The following TMOD3 variants were observed in gnomAD, a reference collection of about 807,000 sequenced individuals.
TMOD3 encodes tropomodulin-3.
TMOD3 carries 20 observed loss-of-function variants against 39.2 expected under a neutral mutation model. The ratio of observed to expected loss-of-function variants is 0.51; its 90% CI spans 0.36 to 0.74. TMOD3 has a LOEUF of 0.74. Among genes scored for constraint, TMOD3 ranks in the 30% least tolerant of loss-of-function variants. TMOD3 has a pLI of 0.00. For missense variants in TMOD3, 381 were observed against 412.8 expected, an observed-to-expected ratio of 0.92 and a Z score of 0.67; for synonymous variants, 143 against 145.8, an observed-to-expected ratio of 0.98 and a Z score of 0.14.
At position 51,884,026 on chromosome 15, in the gene TMOD3, T is replaced by G. The variant is rs567167658; in HGVS notation, c.284-3563T>G. Among the ~76,000 whole-genome samples, 53 of 152,360 alleles carry G rather than the reference T, an allele frequency of 3.5e-4. No individual in the cohort carries two copies. The South Asian group carries it at 5.4e-3, about 15-fold the overall frequency. On this transcript the variant is annotated intron_variant, in intron 3 of 9. Transcript: ENST00000308580. ...TCACCAGAATTCCAAAATTTGATAC[T>G]AAGATCGATGGGCATTTGTTTGGGG...
rs531155345 is a variant in TMOD3, at chr15:51,915,566, A to G, written c.*6756A>G. On this transcript the variant is annotated 3_prime_UTR_variant, in exon 10 of 10. Coordinates refer to ENST00000308580, the MANE Select transcript of TMOD3 (RefSeq NM_014547.5). ...TTCCATTTTTATAAGTATAAAAGCAATGAATTTTAACACTGGTATTTAAAT... is the reference window on the plus strand; with the variant it reads ...TTCCATTTTTATAAGTATAAAAGCAGTGAATTTTAACACTGGTATTTAAAT... 17 of 152,228 alleles carry G rather than the reference A, an allele frequency of 1.1e-4. No individual in the cohort carries two copies. Among genetic ancestry groups the G allele is most frequent in the Non-Finnish European group, 2.1e-4 (14 of 68,044 alleles). 9.4% of individuals were successfully genotyped at this position (152,228 alleles called of 1,614,324 possible). A position where few individuals can be genotyped will look rare whatever the true frequency, so the allele number is the denominator to read the frequency against.
At chr15:51,874,691 T>C (rs1486768286) in intron 3 of TMOD3, among the ~76,000 whole-genome samples, 5 of 152,240 alleles carry the variant, frequency 3.3e-5, no homozygotes, top group African/African-American at 1.2e-4. Context: ...TGTCATTTTG[T>C]TTTGTTTTGC....
At chr15:51,894,653 A>T (rs555720299) in intron 6 of TMOD3, among the ~76,000 whole-genome samples, 1 of 152,312 alleles carries the variant, frequency 6.6e-6, no homozygotes, top group East Asian at 1.9e-4. Flanking sequence ...CCAGAATGTC[A>T]TATAAATTGA....
chr15:51,893,795 C>T lies in TMOD3; in HGVS notation c.497-20C>T. The stretch of plus-strand genomic sequence containing the variant: ...AAAAAAAATGGTATCAAATCCTGCT[C>T]TTTTCATTTATCACTGCAGATGTGG... On this transcript the variant is annotated intron_variant, in intron 5 of 9. Coordinates refer to ENST00000308580, the MANE Select transcript of TMOD3 (RefSeq NM_014547.5). 1 of 1,486,008 alleles carries T rather than the reference C, an allele frequency of 6.7e-7. No homozygotes were observed. Among genetic ancestry groups the T allele is most frequent in the East Asian group, 2.4e-5 (1 of 41,394 alleles). The allele number at this position is 1,486,008 out of a possible 1,614,324, so 92.1% of individuals were successfully genotyped here. A position where few individuals can be genotyped will look rare whatever the true frequency, so the allele number is the denominator to read the frequency against.
At chr15:51,867,458 G>A (rs889440724) in intron 2 of TMOD3, among the ~76,000 whole-genome samples, 11 of 151,976 alleles carry the variant, frequency 7.2e-5, no homozygotes, top group Admixed American at 2.6e-4. Context: ...GGAATGTTTC[G>A]TCTTTACAGT....
In TMOD3 at chr15:51,846,785, G is replaced by T. The variant is rs146486785; in HGVS notation, c.-74-16026G>T. On this transcript the variant is annotated intron_variant, in intron 1 of 9. Coordinates refer to ENST00000308580, the MANE Select transcript of TMOD3 (RefSeq NM_014547.5). ...CCTTATTACCATCAGAGACTTGTTC[G>T]TATGATGTCATTTCTTTTTTTTAAA... 3.4e-3 allele frequency among the ~76,000 whole-genome samples: 512 copies of T among 152,250 alleles called. 4 individuals carry two copies. Among genetic ancestry groups the T allele is most frequent in the South Asian group, 5.6e-3 (27 of 4,816 alleles).
intron 1 of TMOD3, among the ~76,000 whole-genome samples, chr15:51,853,987 A>G (rs2056375857): frequency 6.6e-6 from 1 of 152,118 alleles, no homozygotes; most frequent in African/African-American, 2.4e-5. Context: ...GAGGGAACAT[A>G]ATAAGCAAAG....
intron 1 of TMOD3, chr15:51,858,488 A>G (rs2056399388): frequency 6.6e-6 from 1 of 152,154 alleles, no homozygotes; most frequent in South Asian, 2.1e-4. Flanking sequence ...TAAAACAGGT[A>G]TACACCAGAC....
chr15:51,880,157 C>G (rs2141695687), intron 3 of TMOD3, among the ~76,000 whole-genome samples: 1 of 152,162 alleles, frequency 6.6e-6, no homozygotes, highest in East Asian at 1.9e-4. Flanking sequence ...CGGGAAACAG[C>G]TGATTTTGAT....
At chr15:51,906,770 C>T (rs913633006) in intron 9 of TMOD3, among the ~76,000 whole-genome samples, 1 of 152,186 alleles carries the variant, frequency 6.6e-6, no homozygotes, top group African/African-American at 2.4e-5. Flanking sequence ...CCTGTAATCC[C>T]AGCACTTTGG....
Position 51,862,803 on chromosome 15 carries a change from C to G in TMOD3, c.-74-8C>G. On this transcript the variant is annotated splice_region_variant and splice_polypyrimidine_tract_variant and intron_variant, in intron 1 of 9. Transcript: ENST00000308580. ...TATTTAAAATGTATTTGTTTCTTCT[C>G]TCCATAGCTTTAAGAAAAAGTAGAG... is the stretch of plus-strand genomic sequence containing the variant. The G allele has an allele frequency of 2.9e-6, 4 of 1,394,954 alleles. No homozygotes were observed. The East Asian group carries it at 7.2e-5, about 25-fold the overall frequency. 86.4% of individuals were successfully genotyped at this position (1,394,954 alleles called of 1,614,324 possible).
At chr15:51,865,382 A>G (rs2056440314) in intron 2 of TMOD3, among the ~76,000 whole-genome samples, 2 of 152,120 alleles carry the variant, frequency 1.3e-5, no homozygotes, top group African/African-American at 4.8e-5. Context: ...ACAATTAGGG[A>G]AAGAGCTGGG....
chr15:51,902,495 G>A (rs1451131415), intron 9 of TMOD3, among the ~76,000 whole-genome samples: 2 of 151,906 alleles, frequency 1.3e-5, no homozygotes, highest in African/African-American at 4.8e-5. Context: ...TTTTTGAGAC[G>A]GAGCCTCGCT....
At chr15:51,872,333 C>T (rs1566859798) in intron 3 of TMOD3, among the ~76,000 whole-genome samples, 1 of 151,838 alleles carries the variant, frequency 6.6e-6, no homozygotes, top group Non-Finnish European at 1.5e-5. Flanking sequence ...GCGGAGATTG[C>T]AGTGAGCCGA....
At chr15:51,888,220 C>A (rs1354692465) in intron 4 of TMOD3, among the ~76,000 whole-genome samples, 4 of 152,140 alleles carry the variant, frequency 2.6e-5, no homozygotes, top group Non-Finnish European at 5.9e-5. Context: ...TTATCTAGAC[C>A]AGTATCTTCC....
At chr15:51,896,018 G>A (rs1211594952) in intron 6 of TMOD3, among the ~76,000 whole-genome samples, 1 of 152,168 alleles carries the variant, frequency 6.6e-6, no homozygotes, top group Admixed American at 6.5e-5. Flanking sequence ...TGAGGCAGGA[G>A]GGTTGCTTAA....
Position 51,901,793 on chromosome 15 carries a change from G to A in TMOD3, c.880-99G>A, listed in dbSNP as rs140652170. On this transcript the variant is annotated intron_variant, in intron 8 of 9. Transcript: ENST00000308580. ...GTTGTAGGAATTGGGAACATTTAAA[G>A]AGATCAAAGAATTAGCATGTGCCTG... 4 of 1,228,350 alleles carry A rather than the reference G, an allele frequency of 3.3e-6. No homozygotes were observed. In the East Asian group the frequency reaches 1.0e-4, roughly 31 times the overall value. 76.1% of individuals were successfully genotyped at this position (1,228,350 alleles called of 1,614,324 possible).
Position 51,913,602 on chromosome 15 carries a change from A to G in TMOD3, c.*4792A>G, listed in dbSNP as rs1347125478. 2 of 152,268 alleles carry G rather than the reference A, an allele frequency of 1.3e-5. No homozygotes were observed. Among genetic ancestry groups the G allele is most frequent in the Admixed American group, 1.3e-4 (2 of 15,286 alleles). 9.4% of individuals were successfully genotyped at this position (152,268 alleles called of 1,614,324 possible). The stretch of plus-strand genomic sequence containing the variant: ...ATTTGATAATAAAACATATTTTATT[A>G]ATTTTAAACTCTATCTTGCAGTCTG... On this transcript the variant is annotated 3_prime_UTR_variant, in exon 10 of 10. Coordinates refer to ENST00000308580, the MANE Select transcript of TMOD3 (RefSeq NM_014547.5).
At chr15:51,855,873 C>G (rs755849232) in intron 1 of TMOD3, among the ~76,000 whole-genome samples, 1 of 152,168 alleles carries the variant, frequency 6.6e-6, no homozygotes, top group Non-Finnish European at 1.5e-5. Context: ...GGAACATTGT[C>G]AGTATACAAA....
Sources: allele counts gnomAD v4.1 joint callset (sites outside exome capture counted in the v4.1 genomes callset), GRCh38; gene constraint gnomAD v4.1.1; transcripts MANE v1.5; gene names NCBI Gene and HGNC (gene_info 2026-07-23, HGNC 2026-07-21).